ACACA: variants seen among roughly 807,000 people sequenced by gnomAD.
The protein encoded by ACACA is acetyl-CoA carboxylase alpha, also known as acetyl-CoA carboxylase 1.
ACACA carries 103 observed loss-of-function variants against 296.1 expected under a neutral mutation model. The ratio of observed to expected loss-of-function variants is 0.35; its 90% CI spans 0.30 to 0.41. The LOEUF is 0.41. ACACA is among the 10% of genes least tolerant of loss of function. ACACA has a pLI of 1.00. For synonymous variants in ACACA, 953 were observed against 1,038.6 expected (o/e 0.92, Z 1.58); for missense variants, 1,554 against 2,989.7 (o/e 0.52, Z 11.20).
intron 1 of ACACA, among the ~76,000 whole-genome samples, chr17:37,368,236 C>T (rs2049678300): frequency 6.6e-6 from 1 of 152,200 alleles, no homozygotes; most frequent in Non-Finnish European, 1.5e-5. Context: ...TGCACCACTG[C>T]ACTCCAGCCT....
At position 37,263,952 on chromosome 17, in the gene ACACA, A is replaced by G. The variant is rs144762206; in HGVS notation, c.1120-58T>C. The G allele has an allele frequency of 2.4e-3, 3,377 of 1,418,028 alleles. 17 individuals carry two copies. The highest frequency in any genetic ancestry group is 6.5e-3 in the Middle Eastern group (37 of 5,664). 87.8% of individuals were successfully genotyped at this position (1,418,028 alleles called of 1,614,324 possible). ...TTCTTAAATTTTAAACTTTTTATCT[A>G]TCTTGATAAGCTACTTTGATTTCAA... On this transcript the variant is annotated intron_variant, in intron 10 of 55. Transcript: ENST00000616317.
intron 40 of ACACA, among the ~76,000 whole-genome samples, chr17:37,179,866 A>G (rs1308947058): frequency 2.0e-5 from 3 of 152,200 alleles, no homozygotes; most frequent in Non-Finnish European, 4.4e-5. Flanking sequence ...CAGGGAAGAA[A>G]CCTCTTTCTA....
intron 1 of ACACA, chr17:37,359,213 T>A: frequency 1.1e-6 from 1 of 876,230 alleles, no homozygotes; most frequent in Non-Finnish European, 1.4e-6. Context: ...ATGAGGTGAC[T>A]ACGTCCGGGG....
chr17:37,269,230 T>C (rs2081960863), intron 10 of ACACA, among the ~76,000 whole-genome samples: 1 of 152,142 alleles, frequency 6.6e-6, no homozygotes, highest in African/African-American at 2.4e-5. Flanking sequence ...CGCTTTAGAC[T>C]CCCAAAGTGC....
At chr17:37,240,912 G>A (rs955542188) in intron 23 of ACACA, among the ~76,000 whole-genome samples, 1 of 152,130 alleles carries the variant, frequency 6.6e-6, no homozygotes, top group African/African-American at 2.4e-5. Context: ...GTTCTGTGAG[G>A]CCGGTTGCCT....
At chr17:37,358,421 G>A (rs2049241174) in intron 1 of ACACA, among the ~76,000 whole-genome samples, 1 of 152,202 alleles carries the variant, frequency 6.6e-6, no homozygotes, top group South Asian at 2.1e-4. Flanking sequence ...CCCTCGCAGA[G>A]AACATAATAA....
intron 1 of ACACA, chr17:37,379,220 G>A (rs2050137914): frequency 6.2e-7 from 1 of 1,613,994 alleles, no homozygotes; most frequent in Non-Finnish European, 8.5e-7. Context: ...TGACAGCAAA[G>A]TAAAAGTCAA....
At chr17:37,312,136 C>T (rs904747966) in intron 3 of ACACA, among the ~76,000 whole-genome samples, 1 of 151,946 alleles carries the variant, frequency 6.6e-6, no homozygotes, top group Non-Finnish European at 1.5e-5. Flanking sequence ...GGAATTTCAA[C>T]AGTCAGGGAA....
At chr17:37,089,989 C>A (rs868030718) in intron 54 of ACACA, among the ~76,000 whole-genome samples, 1 of 152,138 alleles carries the variant, frequency 6.6e-6, no homozygotes, top group African/African-American at 2.4e-5. Flanking sequence ...TTTAAAGGTG[C>A]GCTATCCTTC....
rs1424498649 is a variant in ACACA, at chr17:37,332,489, G to A, written c.86-2064C>T. The stretch of plus-strand genomic sequence containing the variant: ...TCAATTATTTTAATTCAGAAAATAA[G>A]CCTGGGCGCGGTGGCTCACGCCTAT... On this transcript the variant is annotated intron_variant, in intron 2 of 55. Coordinates refer to ENST00000616317, the MANE Select transcript of ACACA (RefSeq NM_198834.3). Among the ~76,000 whole-genome samples, 3 of 151,794 alleles carry A rather than the reference G, an allele frequency of 2.0e-5. No homozygotes were observed. The East Asian group carries it at 5.8e-4, about 29-fold the overall frequency.
chr17:37,321,726 C>T (rs1031941180), intron 3 of ACACA, among the ~76,000 whole-genome samples: 7 of 151,020 alleles, frequency 4.6e-5, no homozygotes, highest in East Asian at 2.0e-4. Flanking sequence ...CCAGCCTGGG[C>T]GACAGAGCGA....
At position 37,113,010 on chromosome 17, in the gene ACACA, C is replaced by T; in HGVS notation, c.6452+78G>A. On this transcript the variant is annotated intron_variant, in intron 51 of 55. Transcript: ENST00000616317. The surrounding 1 kb of genome is among the most constrained non-coding windows in gnomAD (Gnocchi z 4.0). ...GGATGTGGGTGCTGTAGTGCCATGG[C>T]TGTAACATTCTCCAGGAGGAAACCA... The T allele has an allele frequency of 6.4e-7, 1 of 1,557,376 alleles. No individual in the cohort carries two copies. Among genetic ancestry groups the T allele is most frequent in the Non-Finnish European group, 8.8e-7 (1 of 1,134,030 alleles).
In ACACA at chr17:37,086,635, A is replaced by AG. The variant is rs2072222287; in HGVS notation, c.*680dup. The AG allele has an allele frequency of 6.5e-6, 1 of 153,604 alleles. No individual in the cohort carries two copies. Among genetic ancestry groups the AG allele is most frequent in the African/African-American group, 2.4e-5 (1 of 41,476 alleles). The allele number at this position is 153,604 out of a possible 1,614,324, so 9.5% of individuals were successfully genotyped here. On this transcript the variant is annotated 3_prime_UTR_variant, in exon 56 of 56. Coordinates refer to ENST00000616317, the MANE Select transcript of ACACA (RefSeq NM_198834.3). Reference sequence around the variant, plus strand: ...TCCTCAGAGACTGAACCCAAGGTTGAGGTCCCCTAAATCAAGAATAACTGG... The same window carrying AG: ...TCCTCAGAGACTGAACCCAAGGTTGAGGGTCCCCTAAATCAAGAATAACTGG...
chr17:37,396,177 T>G (rs2051074358), intron 1 of ACACA, among the ~76,000 whole-genome samples: 3 of 151,796 alleles, frequency 2.0e-5, no homozygotes, highest in Admixed American at 1.3e-4. Context: ...CTGTCTCTAC[T>G]AAAAGTACAA....
In ACACA at chr17:37,245,116, G is replaced by A; in HGVS notation, c.2559C>T (p.Ala853=). The change falls in exon 20 of 56, where the codon GCC becomes GCT. Residue 853 remains alanine (A), a synonymous_variant. Coordinates refer to ENST00000616317, the MANE Select transcript of ACACA (RefSeq NM_198834.3). ...TGCTGGGGTTGTCCAGTTGCATTTT[G>A]GCTAGTACACAGCCAGGGTCAAGAG... The part of the protein sequence containing the change: ...GAALDPGCVL[A]KMQLDNPSKV... 6.2e-7 allele frequency: 1 copy of A among 1,614,192 alleles called. No individual in the cohort carries two copies. The highest frequency in any genetic ancestry group is 2.2e-5 in the East Asian group (1 of 44,894).
chr17:37,343,309 T>G (rs868150096), intron 1 of ACACA, among the ~76,000 whole-genome samples: 1 of 152,000 alleles, frequency 6.6e-6, no homozygotes, highest in African/African-American at 2.4e-5. Flanking sequence ...ATACAACAGA[T>G]TTTACCAAAT....
chr17:37,178,643 A>G (rs1299290408), intron 41 of ACACA, among the ~76,000 whole-genome samples: 1 of 152,082 alleles, frequency 6.6e-6, no homozygotes, highest in Non-Finnish European at 1.5e-5. Flanking sequence ...CAAGAAAAAA[A>G]TACAAAAATT....
chr17:37,254,376 CTCTG>C (rs2081130728), intron 14 of ACACA, among the ~76,000 whole-genome samples: 1 of 152,152 alleles, frequency 6.6e-6, no homozygotes, highest in Non-Finnish European at 1.5e-5. Flanking sequence ...TGTTGCCCAC[CTCTG>C]TCCTCCTTTC....
At chr17:37,127,022 AG>A (rs1349657574) in intron 47 of ACACA, among the ~76,000 whole-genome samples, 1 of 152,200 alleles carries the variant, frequency 6.6e-6, no homozygotes, top group Non-Finnish European at 1.5e-5. Context: ...TTTGGGAGCG[AG>A]TGTTAGCTGC....
Sources: allele counts gnomAD v4.1 joint callset (sites outside exome capture counted in the v4.1 genomes callset), GRCh38; gene constraint gnomAD v4.1.1; non-coding constraint Gnocchi (gnomAD v3.1); transcripts MANE v1.5; gene names NCBI Gene and HGNC (gene_info 2026-07-23, HGNC 2026-07-21).